ACBD6: variants seen among roughly 807,000 people sequenced by gnomAD.
ACBD6 encodes the protein acyl-CoA binding domain containing 6.
In ACBD6, 28 loss-of-function variants were observed where a neutral mutation model predicts 37.2. That is an observed-to-expected ratio of 0.75 (90% CI 0.56 to 1.03). The LOEUF is 1.03. Among genes scored for constraint, ACBD6 ranks in the 50% least tolerant of loss-of-function variants. The pLI, the probability that ACBD6 is intolerant of heterozygous loss-of-function variation, is 0.00. For synonymous variants in ACBD6, 113 were observed against 126.8 expected (o/e 0.89, Z 0.73); for missense variants, 340 against 337.4 (o/e 1.01, Z -0.06).
chr1:180,406,200 A>G (rs1274774920), intron 5 of ACBD6, among the ~76,000 whole-genome samples: 2 of 152,188 alleles, frequency 1.3e-5, no homozygotes. Flanking sequence ...GCATAGGTTG[A>G]GTATCCCTTA....
At chr1:180,288,664 A>G (rs1571319486) in intron 7 of ACBD6, 147 bp from the exon 8 acceptor site, 1 of 1,018,274 alleles carries the variant, frequency 9.8e-7, no homozygotes, top group African/African-American at 1.6e-5. Flanking sequence ...CAGGCCTGGT[A>G]ATGAGAACTG....
intron 6 of ACBD6, among the ~76,000 whole-genome samples, chr1:180,340,591 C>A (rs192027931): frequency 3.0e-4 from 44 of 147,908 alleles, no homozygotes; most frequent in African/African-American, 1.1e-3. Flanking sequence ...ATAACTGTAT[C>A]CTGATGGAAA....
downstream of ACBD6, among the ~76,000 whole-genome samples, chr1:180,287,578 C>CTT (rs72179174): frequency 0.047 from 3,339 of 71,534 alleles, 95 homozygotes; most frequent in Non-Finnish European, 0.071. Flanking sequence ...CAGATCTAAG[C>CTT]TTTTTTTTTT....
At chr1:180,349,584 TA>T (rs1449623313) in intron 6 of ACBD6, among the ~76,000 whole-genome samples, 4 of 16,614 alleles carry the variant, frequency 2.4e-4, no homozygotes, top group Admixed American at 1.7e-3. Flanking sequence ...AAAAAATAAA[TA>T]AAATTTTTTT....
chr1:180,444,672 C>A (rs1649410880), intron 3 of ACBD6, among the ~76,000 whole-genome samples: 1 of 152,158 alleles, frequency 6.6e-6, no homozygotes, highest in South Asian at 2.1e-4. Flanking sequence ...TATTCCATTT[C>A]TCTCTACTCA....
chr1:180,494,531 G>A (rs1057484207), intron 2 of ACBD6, among the ~76,000 whole-genome samples: 1 of 152,174 alleles, frequency 6.6e-6, no homozygotes, highest in African/African-American at 2.4e-5. Context: ...TGACATACGT[G>A]ATTTATATCT....
chr1:180,494,610 G>A (rs1651656298), intron 2 of ACBD6, among the ~76,000 whole-genome samples: 1 of 152,180 alleles, frequency 6.6e-6, no homozygotes, highest in African/African-American at 2.4e-5. Flanking sequence ...GTATCCAGGG[G>A]ACCAGATTTT....
intron 3 of ACBD6, chr1:180,435,514 G>C (rs1648998369): frequency 3.1e-6 from 2 of 653,578 alleles, no homozygotes; most frequent in Admixed American, 5.5e-5. Context: ...GCCTCCCAAA[G>C]TGCTGGGATT....
rs34380522 is a variant in ACBD6 at position 180,388,601 on chromosome 1, A to AT, written c.663+8914dup. Among the ~76,000 whole-genome samples, 17 of 150,302 alleles carry AT rather than the reference A, an allele frequency of 1.1e-4. No homozygotes were observed. In the East Asian group the frequency reaches 1.4e-3, roughly 12 times the overall value. On this transcript the variant is annotated intron_variant, in intron 6 of 7. Transcript: ENST00000367595. ...GATACAGATCAATAAACACAGATCAATTTTTTTTTTTTTAATTTTTGTAGC... is the reference window on the plus strand; with the variant it reads ...GATACAGATCAATAAACACAGATCAATTTTTTTTTTTTTTAATTTTTGTAGC...
At chr1:180,476,671 CA>C (rs1650806653) in intron 3 of ACBD6, among the ~76,000 whole-genome samples, 1 of 151,972 alleles carries the variant, frequency 6.6e-6, no homozygotes, top group African/African-American at 2.4e-5. Flanking sequence ...ACGAAAAATA[CA>C]AAAATGAGCC....
At chr1:180,362,142 A>G (rs990318311) in intron 6 of ACBD6, among the ~76,000 whole-genome samples, 2 of 152,214 alleles carry the variant, frequency 1.3e-5, no homozygotes, top group African/African-American at 4.8e-5. Context: ...CCAAATGAAG[A>G]GAAAGAGAGG....
At chr1:180,284,070 A>G (rs1041765302), downstream of ACBD6, among the ~76,000 whole-genome samples, 2 of 152,232 alleles carry the variant, frequency 1.3e-5, no homozygotes, top group Non-Finnish European at 2.9e-5. Flanking sequence ...TTTCAAGGAC[A>G]AGTGAATAAA....
intron 3 of ACBD6, among the ~76,000 whole-genome samples, chr1:180,479,797 G>A (rs550423497): frequency 2.6e-5 from 4 of 152,034 alleles, no homozygotes; most frequent in Non-Finnish European, 4.4e-5. Flanking sequence ...AGACTGGCCT[G>A]GGCAACATGG....
chr1:180,291,342 TAAA>T (rs1266467932), intron 7 of ACBD6, among the ~76,000 whole-genome samples: 1 of 152,222 alleles, frequency 6.6e-6, no homozygotes, highest in Non-Finnish European at 1.5e-5. Flanking sequence ...CCAATAAGTA[TAAA>T]TTCCAGTTCC....
At chr1:180,450,768 C>T (rs1273386135) in intron 3 of ACBD6, among the ~76,000 whole-genome samples, 1 of 151,718 alleles carries the variant, frequency 6.6e-6, no homozygotes, top group African/African-American at 2.4e-5. Flanking sequence ...AAAAACAAAA[C>T]AAACAAACAA....
At chr1:180,342,730 A>AT (rs1443681876) in intron 6 of ACBD6, among the ~76,000 whole-genome samples, 1 of 152,014 alleles carries the variant, frequency 6.6e-6, no homozygotes, top group African/African-American at 2.4e-5. Flanking sequence ...AAGCCCAAAC[A>AT]TTTTTTCTCA....
At chr1:180,320,180 T>C (rs1356866675) in intron 6 of ACBD6, among the ~76,000 whole-genome samples, 1 of 152,214 alleles carries the variant, frequency 6.6e-6, no homozygotes, top group Non-Finnish European at 1.5e-5. Flanking sequence ...TTGCCTGTCT[T>C]TTGGATATAA....
At chr1:180,307,485 A>AT (rs1361437516) in intron 7 of ACBD6, among the ~76,000 whole-genome samples, 3 of 152,204 alleles carry the variant, frequency 2.0e-5, no homozygotes, top group African/African-American at 7.2e-5. Context: ...ATTTAATTGT[A>AT]TACTTCAAAA....
intron 3 of ACBD6, among the ~76,000 whole-genome samples, chr1:180,433,609 T>C (rs1342048943): frequency 1.4e-5 from 1 of 69,092 alleles, no homozygotes; most frequent in Non-Finnish European, 3.3e-5. Flanking sequence ...TGTGTGTGTG[T>C]GTGTGTGTGT....
Sources: allele counts gnomAD v4.1 joint callset (sites outside exome capture counted in the v4.1 genomes callset), GRCh38; gene constraint gnomAD v4.1.1; transcripts MANE v1.5; gene names NCBI Gene and HGNC (gene_info 2026-07-23, HGNC 2026-07-21).